Variants in YWHAG observed in about 807,000 individuals in gnomAD.
The protein encoded by YWHAG is tyrosine 3-monooxygenase/tryptophan 5-monooxygenase activation protein gamma.
Under a neutral mutation model 23.3 loss-of-function variants are expected in YWHAG, and 1 was observed. The ratio of observed to expected loss-of-function variants is 0.04; its 90% CI spans 0.02 to 0.20. The LOEUF is 0.20. Ranked by LOEUF, YWHAG falls within the 10% of genes least tolerant of loss-of-function variation. The pLI is 1.00. For synonymous variants in YWHAG, 160 were observed against 144.0 expected (o/e 1.11, Z -0.80); for missense variants, 151 against 338.6 (o/e 0.45, Z 4.35).
At position 76,341,565 on chromosome 7, in the gene YWHAG, C is replaced by A. The variant is rs561184208; in HGVS notation, c.88-11332G>T. 5.3e-5 allele frequency among the ~76,000 whole-genome samples: 8 copies of A among 152,130 alleles called. No individual in the cohort carries two copies. In the East Asian group the frequency reaches 1.4e-3, roughly 26 times the overall value. On this transcript the variant is annotated intron_variant, in intron 1 of 1. Coordinates refer to ENST00000307630, the MANE Select transcript of YWHAG (RefSeq NM_012479.4). ...TGTAATGGAATATTATTTAGACAGA[C>A]AAATGATGCACTGATAACATGCTAC...
intron 1 of YWHAG, among the ~76,000 whole-genome samples, chr7:76,336,063 G>A (rs1371811525): frequency 1.3e-5 from 2 of 152,102 alleles, no homozygotes; most frequent in Non-Finnish European, 2.9e-5. Context: ...TGGAACTACA[G>A]GCATGCACCA....
Position 76,327,415 on chromosome 7 carries a change from A to G in YWHAG, c.*2162T>C, listed in dbSNP as rs1803460655. The G allele has an allele frequency of 6.6e-6, 1 of 152,486 alleles. No homozygotes were observed. Among genetic ancestry groups the G allele is most frequent in the South Asian group, 2.1e-4 (1 of 4,824 alleles). 9.4% of individuals were successfully genotyped at this position (152,486 alleles called of 1,614,324 possible). ...GAGAGACAGTATCATAGGCAAGTGC[A>G]TTTCTTTAAAAATAAAGAAAAGAAA... On this transcript the variant is annotated 3_prime_UTR_variant, in exon 2 of 2. Transcript: ENST00000307630.
intron 1 of YWHAG, among the ~76,000 whole-genome samples, chr7:76,339,895 G>A (rs1313105915): frequency 6.6e-6 from 1 of 151,928 alleles, no homozygotes; most frequent in African/African-American, 2.4e-5. Flanking sequence ...TCGAGACCAG[G>A]CTGGCCAACA....
At chr7:76,353,253 C>T (rs755627898) in intron 1 of YWHAG, among the ~76,000 whole-genome samples, 2 of 151,950 alleles carry the variant, frequency 1.3e-5, no homozygotes, top group Non-Finnish European at 2.9e-5. Context: ...TGCTCTGTCA[C>T]CCAGGCTGGA....
intron 1 of YWHAG, among the ~76,000 whole-genome samples, chr7:76,353,069 G>A (rs1014481437): frequency 2.0e-5 from 3 of 152,196 alleles, no homozygotes; most frequent in Admixed American, 1.3e-4. Context: ...ATTTAACTAA[G>A]ACTTCACCAG....
chr7:76,342,004 A>C (rs1201054905), intron 1 of YWHAG, among the ~76,000 whole-genome samples: 3 of 152,178 alleles, frequency 2.0e-5, no homozygotes, highest in Admixed American at 6.5e-5. Flanking sequence ...TAAAATTCGA[A>C]ATACTTGATG....
rs573792470 is a variant in YWHAG, at chr7:76,352,719, A to G, written c.87+6003T>C. Among the ~76,000 whole-genome samples the G allele has an allele frequency of 5.3e-5, 8 of 151,736 alleles. No individual in the cohort carries two copies. In the South Asian group the frequency reaches 1.0e-3, roughly 20 times the overall value. The stretch of plus-strand genomic sequence containing the variant: ...GGCTGGAGTGCAGTGGTATGACCTC[A>G]GCTCACTGCAACCTCTGCCTCTTGG... On this transcript the variant is annotated intron_variant, in intron 1 of 1. Transcript: ENST00000307630.
intron 1 of YWHAG, among the ~76,000 whole-genome samples, chr7:76,350,849 AG>A (rs1422427831): frequency 6.6e-6 from 1 of 152,212 alleles, no homozygotes; most frequent in Non-Finnish European, 1.5e-5. Flanking sequence ...CTCAAAAAAA[AG>A]AAAAGAGAAA....
chr7:76,332,310 T>C (rs751033084), intron 1 of YWHAG, among the ~76,000 whole-genome samples: 1 of 152,166 alleles, frequency 6.6e-6, no homozygotes, highest in Non-Finnish European at 1.5e-5. Flanking sequence ...GCACTGACGA[T>C]CTGTCATCCA....
rs1040607204 is a variant in YWHAG, at chr7:76,328,890, T to A, written c.*687A>T. 2 of 152,258 alleles carry A rather than the reference T, an allele frequency of 1.3e-5. No homozygotes were observed. The highest frequency in any genetic ancestry group is 2.9e-5 in the Non-Finnish European group (2 of 68,030). 9.4% of individuals were successfully genotyped at this position (152,258 alleles called of 1,614,324 possible). ...CGATCAACAGCAAAACCAACCTGGA[T>A]AAGGCTGAATAAGGATGTTAAAGCC... On this transcript the variant is annotated 3_prime_UTR_variant, in exon 2 of 2. Transcript: ENST00000307630.
At chr7:76,331,344 T>C (rs955197243) in intron 1 of YWHAG, among the ~76,000 whole-genome samples, 12 of 151,970 alleles carry the variant, frequency 7.9e-5, no homozygotes, top group African/African-American at 2.4e-4. Flanking sequence ...TGAGTCCCCA[T>C]TGTTCCGTGT....
chr7:76,348,135 C>T (rs147361134), intron 1 of YWHAG, among the ~76,000 whole-genome samples: 1 of 152,256 alleles, frequency 6.6e-6, no homozygotes, highest in Non-Finnish European at 1.5e-5. Context: ...ATTTTCCATG[C>T]ATCTGCAAGC....
At chr7:76,353,083 T>C (rs1803898921) in intron 1 of YWHAG, among the ~76,000 whole-genome samples, 1 of 152,250 alleles carries the variant, frequency 6.6e-6, no homozygotes, top group African/African-American at 2.4e-5. Flanking sequence ...TCACCAGTTC[T>C]TTAAACAGAA....
chr7:76,358,478 C>T (rs943066165), intron 1 of YWHAG, among the ~76,000 whole-genome samples: 25 of 152,118 alleles, frequency 1.6e-4, no homozygotes, highest in African/African-American at 5.1e-4. Flanking sequence ...CGGGACCTCG[C>T]CCCGGCCCGC....
chr7:76,329,506 C>A lies in YWHAG; in HGVS notation c.*71G>T. The A allele has an allele frequency of 7.2e-7, 1 of 1,396,080 alleles. No individual in the cohort carries two copies. The highest frequency in any genetic ancestry group is 1.5e-5 in the South Asian group (1 of 68,640). 86.5% of individuals were successfully genotyped at this position (1,396,080 alleles called of 1,614,324 possible). A position where few individuals can be genotyped will look rare whatever the true frequency, so the allele number is the denominator to read the frequency against. On this transcript the variant is annotated 3_prime_UTR_variant, in exon 2 of 2. Transcript: ENST00000307630. The surrounding 1 kb of genome is among the most constrained non-coding windows in gnomAD (Gnocchi z 6.1). ...CCTCCCTTTCCCTCCCCCACCCGAC[C>A]CCCAACTCATGGGAAAAAAATAAAG... is the stretch of plus-strand genomic sequence containing the variant.
At chr7:76,353,536 G>A (rs572086370) in intron 1 of YWHAG, among the ~76,000 whole-genome samples, 4 of 152,178 alleles carry the variant, frequency 2.6e-5, no homozygotes, top group East Asian at 1.9e-4. Flanking sequence ...ATCAGTTTTC[G>A]TGTAACTAAT....
chr7:76,344,649 C>T (rs1370826747), intron 1 of YWHAG, among the ~76,000 whole-genome samples: 1 of 152,192 alleles, frequency 6.6e-6, no homozygotes, highest in Non-Finnish European at 1.5e-5. Context: ...ATGTCATGCT[C>T]ACTTTAAATG....
intron 1 of YWHAG, among the ~76,000 whole-genome samples, chr7:76,356,879 G>C (rs1803969496): frequency 6.6e-6 from 1 of 152,154 alleles, no homozygotes; most frequent in African/African-American, 2.4e-5. Context: ...GATTCCACCT[G>C]GCTTATCGGC....
At chr7:76,334,572 C>T (rs921733252) in intron 1 of YWHAG, among the ~76,000 whole-genome samples, 4 of 151,700 alleles carry the variant, frequency 2.6e-5, no homozygotes, top group South Asian at 2.1e-4. Context: ...TCTACCACCA[C>T]GCCCCCTAAT....
Sources: allele counts gnomAD v4.1 joint callset (sites outside exome capture counted in the v4.1 genomes callset), GRCh38; gene constraint gnomAD v4.1.1; non-coding constraint Gnocchi (gnomAD v3.1); transcripts MANE v1.5; gene names NCBI Gene and HGNC (gene_info 2026-07-23, HGNC 2026-07-21).